SHANK2: variants seen among roughly 807,000 people sequenced by gnomAD.
SHANK2 encodes SH3 and multiple ankyrin repeat domains 2.
A neutral mutation model predicts 133.7 loss-of-function variants in SHANK2; 43 were observed. The ratio of observed to expected loss-of-function variants is 0.32; its 90% confidence interval spans 0.25 to 0.41. The LOEUF (loss-of-function observed/expected upper bound fraction) is 0.41. Among genes scored for constraint, SHANK2 ranks in the 10% least tolerant of loss-of-function variants. The pLI, the probability that SHANK2 is intolerant of heterozygous loss-of-function variation, is 1.00. For missense variants in SHANK2, 1,994 were observed against 2,235.8 expected (o/e 0.89, Z 2.18); for synonymous variants, 1,017 against 952.8 (o/e 1.07, Z -1.24).
chr11:70,784,189 T>A (rs1252418313), intron 14 of SHANK2, among the ~76,000 whole-genome samples: 18 of 151,682 alleles, frequency 1.2e-4, no homozygotes, highest in Non-Finnish European at 2.5e-4. Flanking sequence ...GCTTTTTTTT[T>A]TTTTTGAGAC....
intron 3 of SHANK2, among the ~76,000 whole-genome samples, chr11:71,134,821 C>G (rs1952407170): frequency 6.6e-6 from 1 of 152,160 alleles, no homozygotes; most frequent in Non-Finnish European, 1.5e-5. Flanking sequence ...GGGTCTCCAG[C>G]TTTCCCTGCA....
intron 14 of SHANK2, chr11:70,705,065 G>A (rs1205447747): frequency 6.6e-6 from 1 of 152,212 alleles, no homozygotes; most frequent in Non-Finnish European, 1.5e-5. Context: ...GGGTCCTCAA[G>A]TCACCCCCTG....
At chr11:71,101,673 G>A (rs946601936) in intron 6 of SHANK2, among the ~76,000 whole-genome samples, 8 of 152,198 alleles carry the variant, frequency 5.3e-5, no homozygotes, top group Admixed American at 4.6e-4. Context: ...GTGAGACTGC[G>A]GAGCATGAAC....
At chr11:70,920,917 G>A (rs1310747484) in intron 10 of SHANK2, among the ~76,000 whole-genome samples, 2 of 152,186 alleles carry the variant, frequency 1.3e-5, no homozygotes, top group Non-Finnish European at 2.9e-5. Context: ...AACTCATGAT[G>A]CATATTACCT....
At chr11:71,153,989 C>A (rs1477569224) in intron 2 of SHANK2, among the ~76,000 whole-genome samples, 11 of 150,910 alleles carry the variant, frequency 7.3e-5, no homozygotes, top group South Asian at 4.2e-4. Context: ...ACAACAACAA[C>A]AAAAAAAGTG....
At chr11:71,251,823 TGCTGCCGCC>T (rs1455242584) in intron 1 of SHANK2, among the ~76,000 whole-genome samples, 1 of 151,268 alleles carries the variant, frequency 6.6e-6, no homozygotes, top group Non-Finnish European at 1.5e-5. Flanking sequence ...CGACAGCTGC[TGCTGCCGCC>T]GCGCGCGCCT....
At chr11:71,171,781 A>G (rs1436056541) in intron 2 of SHANK2, among the ~76,000 whole-genome samples, 1 of 152,150 alleles carries the variant, frequency 6.6e-6, no homozygotes, top group Non-Finnish European at 1.5e-5. Context: ...GACACCAAAG[A>G]TCACCCCTCA....
chr11:70,723,323 C>T (rs1946108353), intron 14 of SHANK2, among the ~76,000 whole-genome samples: 1 of 152,174 alleles, frequency 6.6e-6, no homozygotes, highest in East Asian at 1.9e-4. Context: ...CTCTCTCTCT[C>T]TCTCTCGCTG....
intron 2 of SHANK2, among the ~76,000 whole-genome samples, chr11:71,215,407 T>C (rs542706488): frequency 6.6e-6 from 1 of 152,306 alleles, no homozygotes; most frequent in African/African-American, 2.4e-5. Flanking sequence ...TTCAGCAGGT[T>C]CTGCCCTGGT....
chr11:71,216,739 G>A (rs1392017963), intron 2 of SHANK2, among the ~76,000 whole-genome samples: 7 of 152,092 alleles, frequency 4.6e-5, no homozygotes, highest in African/African-American at 9.7e-5. Flanking sequence ...CATTCCTCAC[G>A]CGTCTGTGAT....
At chr11:70,881,484 G>T (rs1239069187) in intron 11 of SHANK2, among the ~76,000 whole-genome samples, 1 of 151,394 alleles carries the variant, frequency 6.6e-6, no homozygotes, top group Non-Finnish European at 1.5e-5. Flanking sequence ...TGAGACTGAG[G>T]TAGAAGGATG....
intron 2 of SHANK2, among the ~76,000 whole-genome samples, chr11:71,153,511 G>A (rs1170789497): frequency 2.6e-5 from 4 of 152,302 alleles, no homozygotes; most frequent in African/African-American, 9.6e-5. Context: ...TACCTCTGAT[G>A]AAAAGGTAGA....
chr11:70,544,861 C>T (rs151116210), intron 17 of SHANK2, among the ~76,000 whole-genome samples: 30 of 152,354 alleles, frequency 2.0e-4, no homozygotes, highest in African/African-American at 7.2e-4. Context: ...GTGTCCCCAC[C>T]CACAGGTCCT....
chr11:70,836,351 C>T (rs888047410), intron 11 of SHANK2, among the ~76,000 whole-genome samples: 4 of 152,202 alleles, frequency 2.6e-5, no homozygotes, highest in African/African-American at 7.2e-5. Flanking sequence ...ACCTCAGGCA[C>T]GTGGCTGTGC....
intron 14 of SHANK2, among the ~76,000 whole-genome samples, chr11:70,753,256 G>A (rs953587744): frequency 3.4e-5 from 5 of 149,152 alleles, no homozygotes; most frequent in African/African-American, 4.9e-5. Context: ...ACATTCCTAC[G>A]TTCTCAGCAA....
chr11:70,698,627 T>A lies in SHANK2; in HGVS notation c.1853+61A>T, dbSNP rs914202005. 2.9e-5 allele frequency: 21 copies of A among 717,964 alleles called. No homozygotes were observed. In the African/African-American group the frequency reaches 3.3e-4, roughly 11 times the overall value. The allele number at this position is 717,964 out of a possible 1,614,324, so 44.5% of individuals were successfully genotyped here. ...CTGCATGCAAGATGGTCCAAAGCAT[T>A]TGCAGCACAGACGAACAGCTTTGAC... On this transcript the variant is annotated intron_variant, in intron 15 of 25. Coordinates refer to ENST00000601538, the MANE Select transcript of SHANK2 (RefSeq NM_012309.5).
chr11:70,510,140 C>G (rs548404489), intron 17 of SHANK2, among the ~76,000 whole-genome samples: 1 of 152,262 alleles, frequency 6.6e-6, no homozygotes, highest in Non-Finnish European at 1.5e-5. Context: ...GAGGCAGGGA[C>G]TGGAGGAGCA....
chr11:70,849,710 A>T (rs915384797), intron 11 of SHANK2, among the ~76,000 whole-genome samples: 1 of 152,230 alleles, frequency 6.6e-6, no homozygotes, highest in Non-Finnish European at 1.5e-5. Flanking sequence ...ACAGTAAAAA[A>T]AATATGCAAA....
rs183696060 is a variant in SHANK2 at position 70,792,184 on chromosome 11, C to T, written c.1777+6259G>A. ...TTAATCAACCAACCAACCAGTCAGC[C>T]AGACAGCTAATCAACCAACCAACCA... is the stretch of plus-strand genomic sequence containing the variant. On this transcript the variant is annotated intron_variant, in intron 14 of 25. Transcript: ENST00000601538. Among the ~76,000 whole-genome samples the T allele has an allele frequency of 2.6e-5, 4 of 152,144 alleles. No individual in the cohort carries two copies. In the East Asian group the frequency reaches 5.8e-4, roughly 22 times the overall value.
Sources: allele counts gnomAD v4.1 joint callset (sites outside exome capture counted in the v4.1 genomes callset), GRCh38; gene constraint gnomAD v4.1.1; transcripts MANE v1.5; gene names NCBI Gene and HGNC (gene_info 2026-07-23, HGNC 2026-07-21).